The following MTAP variants were observed in gnomAD, a reference collection of about 807,000 sequenced individuals.
MTAP encodes methylthioadenosine phosphorylase.
MTAP carries 33 observed loss-of-function variants against 33.6 expected under a neutral mutation model. That is an observed-to-expected ratio of 0.98 (90% CI 0.74 to 1.31). The LOEUF (loss-of-function observed/expected upper bound fraction) is 1.31. Ranked by LOEUF, MTAP falls within the 40% of genes most tolerant of loss-of-function variation. The pLI is 0.00. For missense variants in MTAP, 367 were observed against 360.0 expected (o/e 1.02, Z -0.16); for synonymous variants, 148 against 125.7 (o/e 1.18, Z -1.19).
At chr9:21,906,235 A>G (rs914688724) in intron 1 of MTAP, among the ~76,000 whole-genome samples, 1 of 152,242 alleles carries the variant, frequency 6.6e-6, no homozygotes, top group African/African-American at 2.4e-5. Flanking sequence ...ATTTCCAAAT[A>G]AGGATAAGAT....
intron 4 of MTAP, among the ~76,000 whole-genome samples, chr9:21,834,804 AT>A (rs1563839836): frequency 6.6e-6 from 1 of 152,186 alleles, no homozygotes; most frequent in African/African-American, 2.4e-5. Flanking sequence ...TAATATATTC[AT>A]AGGTTCTAAG....
chr9:21,903,305 T>C (rs1205839318), intron 1 of MTAP, among the ~76,000 whole-genome samples: 2 of 152,206 alleles, frequency 1.3e-5, no homozygotes, highest in East Asian at 1.9e-4. Flanking sequence ...TCCTGAAATA[T>C]ATGACAAAAG....
chr9:21,940,294 A>G (rs1232834458), downstream of MTAP, among the ~76,000 whole-genome samples: 1 of 152,236 alleles, frequency 6.6e-6, no homozygotes. Context: ...AGCTTATGTA[A>G]TGAATCACTA....
chr9:21,812,167 G>A (rs895534068), intron 1 of MTAP: 2 of 197,312 alleles, frequency 1.0e-5, no homozygotes, highest in South Asian at 9.3e-5. Context: ...AAGTGCAGGT[G>A]GGGGAACAGG....
At chr9:21,925,934 AC>A (rs1339682946) in intron 1 of MTAP, among the ~76,000 whole-genome samples, 1 of 152,000 alleles carries the variant, frequency 6.6e-6, no homozygotes, top group African/African-American at 2.4e-5. Flanking sequence ...CCAAAGGTTC[AC>A]TCCTCATCTT....
intron 1 of MTAP, among the ~76,000 whole-genome samples, chr9:21,813,121 C>G (rs1043628443): frequency 5.9e-5 from 9 of 152,198 alleles, no homozygotes; most frequent in African/African-American, 2.2e-4. Flanking sequence ...GCCATCAGTG[C>G]TTGGGTACTT....
chr9:21,888,645 T>C (rs1424583831), intron 1 of MTAP, among the ~76,000 whole-genome samples: 2 of 115,922 alleles, frequency 1.7e-5, no homozygotes, highest in Non-Finnish European at 3.2e-5. Context: ...TACTCCTGCT[T>C]GTTTTGGCAT....
intron 1 of MTAP, among the ~76,000 whole-genome samples, chr9:21,910,315 T>C (rs537091960): frequency 6.6e-6 from 1 of 151,032 alleles, no homozygotes; most frequent in Non-Finnish European, 1.5e-5. Context: ...AAATAAACAA[T>C]AGCTAAAAAA....
downstream of MTAP, among the ~76,000 whole-genome samples, chr9:21,939,568 A>G (rs1204163731): frequency 1.3e-5 from 2 of 152,222 alleles, no homozygotes; most frequent in Non-Finnish European, 2.9e-5. Flanking sequence ...CTGCAATAAG[A>G]ATATGTTCTT....
chr9:21,829,062 C>T (rs1366239916), intron 4 of MTAP, among the ~76,000 whole-genome samples: 12 of 152,170 alleles, frequency 7.9e-5, no homozygotes. Context: ...TTAATGCCCT[C>T]TATGTGTTTT....
rs1825799401 is a variant in MTAP, at chr9:21,863,647, CT to C, written c.*1638del. Reference sequence around the variant, plus strand: ...CAAAAAAAAAAAAAAGAGTGAAATGCTTTTTGTTTGCTTCAGTTTTTTATCA... The same window carrying C: ...CAAAAAAAAAAAAAAGAGTGAAATGCTTTTGTTTGCTTCAGTTTTTTATCA... On this transcript the variant is annotated 3_prime_UTR_variant, in exon 8 of 8. Coordinates refer to ENST00000644715, the MANE Select transcript of MTAP (RefSeq NM_002451.4). 1.0e-6 allele frequency: 1 copy of C among 983,276 alleles called. No homozygotes were observed. Among genetic ancestry groups the C allele is most frequent in the East Asian group, 1.1e-4 (1 of 8,784 alleles). 60.9% of individuals were successfully genotyped at this position (983,276 alleles called of 1,614,324 possible).
At chr9:21,838,772 A>G (rs562223301) in intron 5 of MTAP, among the ~76,000 whole-genome samples, 4 of 152,364 alleles carry the variant, frequency 2.6e-5, no homozygotes, top group African/African-American at 9.6e-5. Flanking sequence ...CTTGGTCCAC[A>G]TGTGCTACTT....
At chr9:21,848,901 A>G (rs1825443569) in intron 5 of MTAP, among the ~76,000 whole-genome samples, 2 of 152,196 alleles carry the variant, frequency 1.3e-5, no homozygotes, top group African/African-American at 4.8e-5. Context: ...AGGTGGGCAT[A>G]GCTACCATAA....
chr9:21,930,033 G>A, intron 1 of MTAP: 4 of 408,838 alleles, frequency 9.8e-6, no homozygotes, highest in South Asian at 8.4e-5. Flanking sequence ...ATTCAGTTTT[G>A]CCAGCAATGC....
chr9:21,900,218 G>T (rs1818367827), intron 1 of MTAP, among the ~76,000 whole-genome samples: 1 of 152,064 alleles, frequency 6.6e-6, no homozygotes, highest in Non-Finnish European at 1.5e-5. Flanking sequence ...CACAGCAAAA[G>T]AAACTATAAA....
intron 1 of MTAP, among the ~76,000 whole-genome samples, chr9:21,911,670 G>A (rs1209458823): frequency 1.3e-5 from 2 of 152,026 alleles, no homozygotes; most frequent in Non-Finnish European, 2.9e-5. Context: ...GCCCACAAGA[G>A]AAAGCAGGAA....
chr9:21,817,755 A>G lies in MTAP; in HGVS notation c.180-280A>G, dbSNP rs7027989. On this transcript the variant is annotated intron_variant, in intron 3 of 7. Coordinates refer to ENST00000644715, the MANE Select transcript of MTAP (RefSeq NM_002451.4). ...ACGTTTACCATTTTTCTATTGGCTG[A>G]ATGCAAGTCCCAGGTTCACTGATCC... 0.62 allele frequency among the ~76,000 whole-genome samples: 94,656 copies of G among 151,918 alleles called. 30,711 individuals are homozygous for G. The highest frequency in any genetic ancestry group is 0.81 in the African/African-American group (33,750 of 41,500).
intron 5 of MTAP, among the ~76,000 whole-genome samples, chr9:21,853,802 T>G (rs1398827685): frequency 1.3e-5 from 2 of 152,186 alleles, no homozygotes; most frequent in Non-Finnish European, 2.9e-5. Flanking sequence ...AATTTACACT[T>G]GAGAAAACTA....
At chr9:21,911,639 G>A (rs1483362211) in intron 1 of MTAP, among the ~76,000 whole-genome samples, 3 of 152,052 alleles carry the variant, frequency 2.0e-5, no homozygotes, top group Non-Finnish European at 4.4e-5. Context: ...AGTGTGTAGA[G>A]GGAAATTTAT....
Sources: allele counts gnomAD v4.1 joint callset (sites outside exome capture counted in the v4.1 genomes callset), GRCh38; gene constraint gnomAD v4.1.1; transcripts MANE v1.5; gene names NCBI Gene and HGNC (gene_info 2026-07-23, HGNC 2026-07-21).